PPFIA4: variants seen among roughly 807,000 people sequenced by gnomAD.
The protein encoded by PPFIA4 is liprin-alpha-4.
PPFIA4 carries 98 observed loss-of-function variants against 145.7 expected under a neutral mutation model. The observed-to-expected ratio is 0.67, with a 90% CI of 0.57 to 0.80. The LOEUF (loss-of-function observed/expected upper bound fraction) is 0.80. Ranked by LOEUF, PPFIA4 falls within the 30% of genes least tolerant of loss-of-function variation. The pLI is 0.00. For synonymous variants in PPFIA4, 628 were observed against 649.6 expected, an observed-to-expected ratio of 0.97 and a Z score of 0.51; for missense variants, 1,457 against 1,632.7, an observed-to-expected ratio of 0.89 and a Z score of 1.85.
Position 203,071,121 on chromosome 1 carries a change from AT to A in PPFIA4, c.3325-556del, listed in dbSNP as rs745766089. ...TTCACAACCATGCCCAGTTAATTAA[AT>A]TTTTTTTTTTTTTTGAGACAGGGTC... On this transcript the variant is annotated intron_variant, in intron 27 of 29. Transcript: ENST00000295706. Among the ~76,000 whole-genome samples the A allele has an allele frequency of 4.5e-3, 605 of 135,386 alleles. 5 individuals carry two copies. Among genetic ancestry groups the A allele is most frequent in the African/African-American group, 8.5e-3 (312 of 36,786 alleles). The allele number at this position is 135,386 out of a possible 152,430, so 88.8% of individuals were successfully genotyped here. A position where few individuals can be genotyped will look rare whatever the true frequency, so the allele number is the denominator to read the frequency against.
At chr1:203,052,640 T>C (rs1660618418) in intron 14 of PPFIA4, among the ~76,000 whole-genome samples, 1 of 152,148 alleles carries the variant, frequency 6.6e-6, no homozygotes, top group Non-Finnish European at 1.5e-5. Flanking sequence ...TATAAGAATA[T>C]AGCAGCTATC....
rs1488002633 is a variant in PPFIA4, at chr1:203,051,817, C to A, written c.1560C>A (p.Thr520=). The change falls in exon 14 of 30, where the codon ACC becomes ACA. Residue 520 remains threonine, a synonymous_variant. Coordinates refer to ENST00000295706, the MANE Select transcript of PPFIA4 (RefSeq NM_001304331.2). ...ACGTGCGGTTCTCCCTGGGCACAACCACACACGCACCCCCAGGCGTGCATC... is the reference window on the plus strand; with the variant it reads ...ACGTGCGGTTCTCCCTGGGCACAACAACACACGCACCCCCAGGCGTGCATC... ...AADVRFSLGT[T]THAPPGVHRR... 6.2e-7 allele frequency: 1 copy of A among 1,613,860 alleles called. No individual in the cohort carries two copies. Among genetic ancestry groups the A allele is most frequent in the South Asian group, 1.1e-5 (1 of 90,998 alleles).
intron 9 of PPFIA4, 97 bp downstream of exon 9, chr1:203,046,479 G>T: frequency 7.1e-7 from 1 of 1,401,234 alleles, no homozygotes; most frequent in Non-Finnish European, 9.5e-7. Flanking sequence ...GGCGCACTGG[G>T]CCAGGAGCCA....
chr1:203,051,776 A>G lies in PPFIA4; in HGVS notation c.1519A>G (p.Met507Val). The change falls in exon 14 of 30, where the codon ATG becomes GTG. Residue 507 changes from methionine to valine, a missense_variant. Met to Val is a conservative substitution (Grantham distance 21, BLOSUM62 1). This residue lies in a region of PPFIA4 where 848 missense variants were observed against 1,046.7 expected (regional missense o/e 0.81). Transcript: ENST00000295706. ...CCCCCATCACCGCTCAAGGTCGCAC[A>G]TGGGCAGTGCAGCAGACGTGCGGTT... The part of the protein sequence containing the change: ...FVDGVHSRSH[M>V]GSAADVRFSL... 1.9e-6 allele frequency: 3 copies of G among 1,612,614 alleles called. No homozygotes were observed. The highest frequency in any genetic ancestry group is 2.5e-6 in the Non-Finnish European group (3 of 1,179,412).
intron 27 of PPFIA4, among the ~76,000 whole-genome samples, chr1:203,071,108 C>A (rs1662123778): frequency 6.6e-6 from 1 of 151,590 alleles, no homozygotes; most frequent in Non-Finnish European, 1.5e-5. Flanking sequence ...CACAACCATG[C>A]CCAGTTAATT....
intron 28 of PPFIA4, 75 bp downstream of exon 28, chr1:203,071,835 C>A: frequency 8.1e-7 from 1 of 1,241,948 alleles, no homozygotes; most frequent in Non-Finnish European, 1.2e-6. Flanking sequence ...TGAGTTCTGC[C>A]TTCCCTGGGC....
At chr1:203,061,583 C>T in intron 23 of PPFIA4, 69 bp from the exon 24 acceptor site, 1 of 1,479,124 alleles carries the variant, frequency 6.8e-7, no homozygotes, top group South Asian at 1.3e-5. Context: ...TTGATGGGGC[C>T]TAGGGTAGAG....
chr1:203,073,173 A>T (rs1662287649), intron 28 of PPFIA4, among the ~76,000 whole-genome samples: 1 of 152,204 alleles, frequency 6.6e-6, no homozygotes, highest in Non-Finnish European at 1.5e-5. Flanking sequence ...TATGGTAATG[A>T]TCACCACATG....
intron 1 of PPFIA4, among the ~76,000 whole-genome samples, chr1:203,029,098 C>CT (rs1658640569): frequency 1.3e-5 from 2 of 152,144 alleles, no homozygotes; most frequent in Admixed American, 1.3e-4. Context: ...GGGGAAGGAG[C>CT]TCTAAGCGAG....
intron 27 of PPFIA4, among the ~76,000 whole-genome samples, chr1:203,071,440 G>GCGCCCT (rs1558103488): frequency 1.5e-5 from 1 of 66,006 alleles, no homozygotes; most frequent in African/African-American, 7.5e-5. Context: ...CAAAGTGCCC[G>GCGCCCT]GCCACTACTT....
rs770729295 is a variant in PPFIA4, at chr1:203,049,779, C to T, written c.1511+12C>T. ...GGCGTCCACTCCAGGTACTGCAGCG[C>T]CAGAGGCTGGGCATGCCAGGACGGG... On this transcript the variant is annotated intron_variant, in intron 13 of 29. Transcript: ENST00000295706. 3 of 1,542,212 alleles carry T rather than the reference C, an allele frequency of 1.9e-6. No individual in the cohort carries two copies. The highest frequency in any genetic ancestry group is 1.7e-4 in the Middle Eastern group (1 of 5,736).
intron 19 of PPFIA4, 68 bp downstream of exon 19, chr1:203,057,018 G>C: frequency 6.3e-7 from 1 of 1,592,008 alleles, no homozygotes; most frequent in Non-Finnish European, 8.6e-7. Context: ...AGGTGTACTT[G>C]GACTGGCCTT....
Position 203,068,314 on chromosome 1 carries a change from G to A in PPFIA4, c.3149-139G>A. ...GCCAGGGAGGAGAGAAAGAAGATAT[G>A]GAAATTTAGGGATGGAGTGGGGGTC... On this transcript the variant is annotated intron_variant, in intron 26 of 29. Coordinates refer to ENST00000295706, the MANE Select transcript of PPFIA4 (RefSeq NM_001304331.2). The surrounding 1 kb of genome is among the most constrained non-coding windows in gnomAD (Gnocchi z 4.7). 1 of 740,208 alleles carries A rather than the reference G, an allele frequency of 1.4e-6. No individual in the cohort carries two copies. The highest frequency in any genetic ancestry group is 2.0e-6 in the Non-Finnish European group (1 of 490,418). 45.9% of individuals were successfully genotyped at this position (740,208 alleles called of 1,614,324 possible). A position where few individuals can be genotyped will look rare whatever the true frequency, so the allele number is the denominator to read the frequency against.
intron 1 of PPFIA4, 50 bp downstream of exon 1, chr1:203,026,679 C>A (rs1247858421): frequency 6.6e-6 from 1 of 152,298 alleles, no homozygotes; most frequent in African/African-American, 2.4e-5. Context: ...TTCCCCATCT[C>A]CAGCTCCCCT....
At chr1:203,063,764 C>G in intron 24 of PPFIA4, 64 bp from the exon 25 acceptor site, 1 of 1,567,546 alleles carries the variant, frequency 6.4e-7, no homozygotes, top group Non-Finnish European at 8.8e-7. Flanking sequence ...CCAGCTATAC[C>G]AGCCTCAGCC....
At chr1:203,069,754 G>GT in intron 27 of PPFIA4, among the ~76,000 whole-genome samples, 1 of 92,122 alleles carries the variant, frequency 1.1e-5, no homozygotes, top group African/African-American at 3.9e-5. Flanking sequence ...ATTCTGCAGT[G>GT]ACCCCCCCGC....
At chr1:203,062,407 G>T (rs1218854436) in intron 24 of PPFIA4, among the ~76,000 whole-genome samples, 2 of 143,302 alleles carry the variant, frequency 1.4e-5, no homozygotes, top group African/African-American at 5.1e-5. Context: ...GTGAACCTGG[G>T]AGGCGGAGCT....
chr1:203,039,206 C>T lies in PPFIA4; in HGVS notation c.198C>T (p.Asp66=). 6.2e-7 allele frequency: 1 copy of T among 1,603,608 alleles called. No individual in the cohort carries two copies. The highest frequency in any genetic ancestry group is 8.5e-7 in the Non-Finnish European group (1 of 1,175,830). Residue 66 remains aspartate, a synonymous_variant, in exon 2 of 30, where the codon GAC becomes GAT. Coordinates refer to ENST00000295706, the MANE Select transcript of PPFIA4 (RefSeq NM_001304331.2). ...TCCAGGATGCCATACACGAGCGGGA[C>T]CAGCTCCAGCGCCACCTTAACTCCG... ...SRLQDAIHER[D]QLQRHLNSAL...
Position 203,075,681 on chromosome 1 carries a change from C to T in PPFIA4, c.3498C>T (p.Leu1166=), listed in dbSNP as rs1177565027. The T allele has an allele frequency of 2.0e-6, 3 of 1,495,860 alleles. No homozygotes were observed. In the South Asian group the frequency reaches 3.9e-5, roughly 19 times the overall value. 92.7% of individuals were successfully genotyped at this position (1,495,860 alleles called of 1,614,324 possible). ...TGCTCAGCGCTTCCGCGGAGACCCT[C>T]CCGGCGGGCTTCCGTGTGTCCACCC... ...GGMLSASAET[L]PAGFRVSTLG... is the part of the protein sequence containing the mutation. Residue 1166 remains leucine, a synonymous_variant, in exon 29 of 30, where the codon CTC becomes CTT. Coordinates refer to ENST00000295706, the MANE Select transcript of PPFIA4 (RefSeq NM_001304331.2). The surrounding 1 kb of genome is among the most constrained non-coding windows in gnomAD (Gnocchi z 4.1).
Sources: allele counts gnomAD v4.1 joint callset (sites outside exome capture counted in the v4.1 genomes callset), GRCh38; gene constraint gnomAD v4.1.1; regional missense constraint gnomAD v4.1.1; non-coding constraint Gnocchi (gnomAD v3.1); transcripts MANE v1.5; gene names NCBI Gene and HGNC (gene_info 2026-07-23, HGNC 2026-07-21).